The following RAD51B variants were observed in gnomAD, a reference collection of about 807,000 sequenced individuals.
The protein encoded by RAD51B is RAD51 paralog B.
In RAD51B, 38 loss-of-function variants were observed where a neutral mutation model predicts 42.2. The ratio of observed to expected loss-of-function variants is 0.90; its 90% CI spans 0.70 to 1.18. The LOEUF (loss-of-function observed/expected upper bound fraction) is 1.18, where lower values mean the gene tolerates loss of function less well. Ranked by LOEUF, RAD51B falls within the 50% of genes most tolerant of loss-of-function variation. The probability of loss-of-function intolerance (pLI) is 0.00; values close to 1 mark genes in which losing one functional copy is unlikely to be tolerated. For synonymous variants in RAD51B, 154 were observed against 145.2 expected, an observed-to-expected ratio of 1.06 and a Z score of -0.43; for missense variants, 373 against 400.7, an observed-to-expected ratio of 0.93 and a Z score of 0.59.
At chr14:68,139,640 A>G (rs560815222) in intron 7 of RAD51B, among the ~76,000 whole-genome samples, 2 of 152,322 alleles carry the variant, frequency 1.3e-5, no homozygotes, top group South Asian at 4.1e-4. Context: ...GATTCTTCTC[A>G]ATCCCATCCC....
intron 7 of RAD51B, among the ~76,000 whole-genome samples, chr14:68,028,941 C>T (rs1453168437): frequency 6.6e-6 from 1 of 152,214 alleles, no homozygotes; most frequent in Non-Finnish European, 1.5e-5. Context: ...AGCCCTGATT[C>T]TGTCTACTCC....
chr14:68,613,064 TG>T (rs1891732209), downstream of RAD51B, among the ~76,000 whole-genome samples: 1 of 152,226 alleles, frequency 6.6e-6, no homozygotes, highest in African/African-American at 2.4e-5. Flanking sequence ...ATTTAACATC[TG>T]GGCCTGCCCC....
At chr14:68,494,250 A>G (rs189263735) in intron 10 of RAD51B, among the ~76,000 whole-genome samples, 3 of 149,710 alleles carry the variant, frequency 2.0e-5, no homozygotes, top group Non-Finnish European at 3.0e-5. Context: ...ATTGCACTCC[A>G]GCCTGGGCGA....
chr14:68,086,531 C>T (rs1205883162), intron 7 of RAD51B, among the ~76,000 whole-genome samples: 2 of 152,132 alleles, frequency 1.3e-5, no homozygotes, highest in Non-Finnish European at 2.9e-5. Flanking sequence ...CCACGCGCTC[C>T]CCTTCCCATC....
intron 9 of RAD51B, among the ~76,000 whole-genome samples, chr14:68,418,094 G>A (rs369238174): frequency 3.9e-5 from 6 of 152,248 alleles, no homozygotes; most frequent in South Asian, 4.1e-4. Flanking sequence ...AGATTTACGC[G>A]ATTTGAAGAG....
intron 7 of RAD51B, among the ~76,000 whole-genome samples, chr14:67,949,458 A>T (rs952397697): frequency 6.6e-6 from 1 of 152,172 alleles, no homozygotes; most frequent in Non-Finnish European, 1.5e-5. Context: ...CAATTCAGTC[A>T]CATCTTTAGG....
At chr14:68,152,430 C>T (rs1460358177) in intron 7 of RAD51B, among the ~76,000 whole-genome samples, 4 of 152,108 alleles carry the variant, frequency 2.6e-5, no homozygotes, top group African/African-American at 9.7e-5. Flanking sequence ...TTCTTTTGAG[C>T]CTGGCCAGCC....
At chr14:68,252,997 CACTTGA>C in intron 7 of RAD51B, among the ~76,000 whole-genome samples, 1 of 151,794 alleles carries the variant, frequency 6.6e-6, no homozygotes, top group African/African-American at 2.4e-5. Flanking sequence ...GCAGGAGAAT[CACTTGA>C]ACCTGGGCGG....
intron 7 of RAD51B, among the ~76,000 whole-genome samples, chr14:67,948,767 T>C (rs1360611498): frequency 6.6e-6 from 1 of 151,418 alleles, no homozygotes; most frequent in East Asian, 1.9e-4. Flanking sequence ...CCGTTTCTAC[T>C]AAAAATACAA....
At chr14:68,363,697 T>C (rs2083079724) in intron 8 of RAD51B, among the ~76,000 whole-genome samples, 1 of 152,226 alleles carries the variant, frequency 6.6e-6, no homozygotes, top group South Asian at 2.1e-4. Context: ...GTAAAATGCA[T>C]ACATGCGATG....
intron 5 of RAD51B, among the ~76,000 whole-genome samples, chr14:67,876,462 C>A (rs1465141550): frequency 6.6e-6 from 1 of 152,146 alleles, no homozygotes; most frequent in Non-Finnish European, 1.5e-5. Context: ...GATTCTGGAA[C>A]TGATTACGAA....
intron 7 of RAD51B, among the ~76,000 whole-genome samples, chr14:68,242,448 A>G (rs1460414623): frequency 6.6e-6 from 1 of 152,224 alleles, no homozygotes; most frequent in African/African-American, 2.4e-5. Context: ...TTTTTCTTAC[A>G]TATCAGTGCA....
intron 8 of RAD51B, among the ~76,000 whole-genome samples, chr14:68,343,587 T>C (rs1470147007): frequency 6.6e-6 from 1 of 152,230 alleles, no homozygotes; most frequent in Non-Finnish European, 1.5e-5. Context: ...AAAGCATTTT[T>C]AGGAGAGGAA....
intron 7 of RAD51B, among the ~76,000 whole-genome samples, chr14:68,231,945 A>T (rs772979450): frequency 1.8e-4 from 27 of 152,196 alleles, no homozygotes; most frequent in Non-Finnish European, 2.1e-4. Context: ...CAGAAAGCAG[A>T]CTCAGGAAAG....
At chr14:68,256,908 AC>A (rs1330693644) in intron 7 of RAD51B, among the ~76,000 whole-genome samples, 5 of 152,248 alleles carry the variant, frequency 3.3e-5, no homozygotes, top group Admixed American at 1.3e-4. Flanking sequence ...AAGTTAATAT[AC>A]ATAAGTATAT....
At chr14:68,637,755 C>T (rs758784319) in intron 10 of RAD51B, among the ~76,000 whole-genome samples, 1 of 152,118 alleles carries the variant, frequency 6.6e-6, no homozygotes, top group Non-Finnish European at 1.5e-5. Flanking sequence ...CTGTGGCGGC[C>T]GAGTTCAGGA....
chr14:68,679,467 G>A (rs1449716613), intron 11 of RAD51B, among the ~76,000 whole-genome samples: 1 of 152,176 alleles, frequency 6.6e-6, no homozygotes, highest in African/African-American at 2.4e-5. Context: ...ACCTTCCACT[G>A]CCTCAGTTTC....
At chr14:68,159,290 A>T (rs2078585217) in intron 7 of RAD51B, among the ~76,000 whole-genome samples, 1 of 152,080 alleles carries the variant, frequency 6.6e-6, no homozygotes, top group Non-Finnish European at 1.5e-5. Flanking sequence ...AAAATTGATT[A>T]AAAAAATAGC....
intron 7 of RAD51B, among the ~76,000 whole-genome samples, chr14:68,024,612 T>C (rs1015964325): frequency 9.2e-5 from 14 of 152,154 alleles, no homozygotes; most frequent in Non-Finnish European, 1.9e-4. Flanking sequence ...GTAAATGGGA[T>C]TGTGTTCTTG....
Sources: allele counts gnomAD v4.1 joint callset (sites outside exome capture counted in the v4.1 genomes callset), GRCh38; gene constraint gnomAD v4.1.1; transcripts MANE v1.5; gene names NCBI Gene and HGNC (gene_info 2026-07-23, HGNC 2026-07-21).